The following INTS6 variants were observed in gnomAD, a reference collection of about 807,000 sequenced individuals.
The protein encoded by INTS6 is integrator complex subunit 6.
A neutral mutation model predicts 104.9 loss-of-function variants in INTS6; 16 were observed. That is an observed-to-expected ratio of 0.15 (90% CI 0.10 to 0.23). The LOEUF (loss-of-function observed/expected upper bound fraction) is 0.23. Among genes scored for constraint, INTS6 ranks in the 10% least tolerant of loss-of-function variants. The pLI, the probability that INTS6 is intolerant of heterozygous loss-of-function variation, is 1.00. For synonymous variants in INTS6, 324 were observed against 358.7 expected (o/e 0.90, Z 1.09); for missense variants, 584 against 1,062.8 (o/e 0.55, Z 6.26).
chr13:51,453,032 G>A lies in INTS6; in HGVS notation c.-507C>T, dbSNP rs1025135239. Reference sequence around the variant, plus strand: ...CACTTTCTCAGCCCCTCTCGCTACTGAAGCGCTTTTCTCTCTCACACTCCG... The same window carrying A: ...CACTTTCTCAGCCCCTCTCGCTACTAAAGCGCTTTTCTCTCTCACACTCCG... On this transcript the variant is annotated 5_prime_UTR_variant, in exon 1 of 18. Coordinates refer to ENST00000311234, the MANE Select transcript of INTS6 (RefSeq NM_012141.3). 3 of 1,009,150 alleles carry A rather than the reference G, an allele frequency of 3.0e-6. No homozygotes were observed. Among genetic ancestry groups the A allele is most frequent in the Non-Finnish European group, 3.6e-6 (3 of 844,904 alleles). The allele number at this position is 1,009,150 out of a possible 1,614,324, so 62.5% of individuals were successfully genotyped here.
chr13:51,414,833 T>TACACACACACACACAC (rs151197136), intron 4 of INTS6, among the ~76,000 whole-genome samples: 8 of 143,044 alleles, frequency 5.6e-5, no homozygotes, highest in African/African-American at 2.1e-4. Context: ...AGTTCTTCTA[T>TACACACACACACACAC]ACACACACAC....
At chr13:51,367,490 A>G (rs1340245349) in intron 17 of INTS6, among the ~76,000 whole-genome samples, 2 of 152,074 alleles carry the variant, frequency 1.3e-5, no homozygotes, top group Non-Finnish European at 2.9e-5. Context: ...TAATGTATAA[A>G]GGAGAAAAAT....
intron 4 of INTS6, among the ~76,000 whole-genome samples, chr13:51,408,087 G>GCC (rs1176520830): frequency 6.7e-6 from 1 of 149,070 alleles, no homozygotes; most frequent in African/African-American, 2.5e-5. Context: ...TTAAATAATA[G>GCC]CCCAAATTAT....
chr13:51,447,709 T>C (rs544555330), intron 3 of INTS6: 10 of 113,684 alleles, frequency 8.8e-5, no homozygotes, highest in African/African-American at 3.5e-4. Flanking sequence ...ATATATTGGC[T>C]AATCTTAACT....
the INTS6 span, among the ~76,000 whole-genome samples, chr13:51,343,276 G>A: frequency 9.2e-5 from 14 of 152,200 alleles, no homozygotes; most frequent in Non-Finnish European, 1.9e-4. Flanking sequence ...GCCTAAAAGG[G>A]AGTAGAAGCA....
At position 51,432,442 on chromosome 13, in the gene INTS6, TACC is replaced by T. The variant is rs544113399; in HGVS notation, c.340-2062_340-2060del. 2.9e-3 allele frequency among the ~76,000 whole-genome samples: 441 copies of T among 151,004 alleles called. 2 individuals are homozygous for T. Among genetic ancestry groups the T allele is most frequent in the South Asian group, 0.01 (48 of 4,750 alleles). ...TTAAGACAGTAAATTTTGTTGTGTTTACCACAATTTATTAAAAAAAAAAAAACA... is the reference window on the plus strand; with the variant it reads ...TTAAGACAGTAAATTTTGTTGTGTTTACAATTTATTAAAAAAAAAAAAACA... On this transcript the variant is annotated intron_variant, in intron 3 of 17. Coordinates refer to ENST00000311234, the MANE Select transcript of INTS6 (RefSeq NM_012141.3).
At chr13:51,383,764 T>C in intron 7 of INTS6, 23 bp from the exon 8 acceptor site, 1 of 1,559,236 alleles carries the variant, frequency 6.4e-7, no homozygotes, top group Non-Finnish European at 8.7e-7. Context: ...GTCTTGTAAT[T>C]ACTACTTACA....
chr13:51,384,583 G>A (rs1179543041), intron 7 of INTS6: 3 of 455,722 alleles, frequency 6.6e-6, no homozygotes, highest in Admixed American at 2.4e-5. Context: ...ATCTTCCACA[G>A]GTTCCTCAGA....
chr13:51,416,233 T>C (rs536318817), intron 4 of INTS6, among the ~76,000 whole-genome samples: 1 of 152,176 alleles, frequency 6.6e-6, no homozygotes, highest in Non-Finnish European at 1.5e-5. Context: ...AGGAAAATAG[T>C]GTGGGTGTAT....
chr13:51,448,863 C>G (rs1952978489), intron 3 of INTS6: 1 of 152,130 alleles, frequency 6.6e-6, no homozygotes, highest in African/African-American at 2.4e-5. Context: ...AGGGGAAATA[C>G]TTATGTAAAG....
chr13:51,408,964 T>A (rs984081026), intron 4 of INTS6, among the ~76,000 whole-genome samples: 5 of 152,172 alleles, frequency 3.3e-5, no homozygotes, highest in Non-Finnish European at 7.3e-5. Context: ...TAAAATTATC[T>A]AGGCAGCTGC....
chr13:51,365,276 T>C lies in INTS6; in HGVS notation c.*476A>G, dbSNP rs1210794823. The C allele has an allele frequency of 6.6e-6, 1 of 152,540 alleles. No homozygotes were observed. The highest frequency in any genetic ancestry group is 1.5e-5 in the Non-Finnish European group (1 of 67,990). The allele number at this position is 152,540 out of a possible 1,614,324, so 9.4% of individuals were successfully genotyped here. On this transcript the variant is annotated 3_prime_UTR_variant, in exon 18 of 18. Coordinates refer to ENST00000311234, the MANE Select transcript of INTS6 (RefSeq NM_012141.3). ...ATAACAAAAGTGCTTTTCTTAAATA[T>C]TCTTCAAAATACATTTGTACAACTT...
At chr13:51,420,867 A>C (rs540882153) in intron 4 of INTS6, among the ~76,000 whole-genome samples, 1 of 152,170 alleles carries the variant, frequency 6.6e-6, no homozygotes, top group African/African-American at 2.4e-5. Context: ...AACAGATACT[A>C]ACCTAAAGCT....
the INTS6 span, chr13:51,340,918 G>A: frequency 1.5e-6 from 1 of 651,556 alleles, no homozygotes; most frequent in Non-Finnish European, 2.6e-6. Context: ...AGACGGCTGG[G>A]CCTCAGGGTA....
intron 4 of INTS6, among the ~76,000 whole-genome samples, chr13:51,404,742 C>A (rs1171022400): frequency 2.0e-5 from 3 of 152,146 alleles, no homozygotes; most frequent in African/African-American, 7.2e-5. Flanking sequence ...CAAATCATAA[C>A]TTTTCTTTAC....
intron 4 of INTS6, among the ~76,000 whole-genome samples, chr13:51,396,752 GGA>G (rs1327929837): frequency 2.6e-5 from 4 of 152,136 alleles, no homozygotes; most frequent in African/African-American, 9.7e-5. Flanking sequence ...TCCAGAATGT[GGA>G]ACATTATACA....
intron 3 of INTS6, chr13:51,438,841 A>C (rs1405471127): frequency 6.6e-6 from 1 of 152,244 alleles, no homozygotes; most frequent in Non-Finnish European, 1.5e-5. Flanking sequence ...AATTCCTGAT[A>C]ATCCAAAAGC....
chr13:51,337,239 G>C, the INTS6 span, among the ~76,000 whole-genome samples: 1 of 152,214 alleles, frequency 6.6e-6, no homozygotes, highest in Non-Finnish European at 1.5e-5. Flanking sequence ...AAGCACAAAG[G>C]AGATGCCTAC....
intron 15 of INTS6, among the ~76,000 whole-genome samples, chr13:51,373,640 C>G (rs1445256748): frequency 6.6e-6 from 1 of 152,218 alleles, no homozygotes; most frequent in Admixed American, 6.5e-5. Flanking sequence ...CCAGCATAAG[C>G]AAACGGCACA....
Sources: gnomAD v4.1 joint callset for allele counts (sites outside exome capture counted in the v4.1 genomes callset) on GRCh38, gnomAD v4.1.1 for gene constraint, MANE v1.5 for transcripts, NCBI Gene and HGNC (gene_info 2026-07-23, HGNC 2026-07-21) for gene names.